Variants in CCSER1 observed in about 807,000 individuals in gnomAD.
The protein encoded by CCSER1 is coiled-coil serine rich protein 1.
In CCSER1, 41 loss-of-function variants were observed where a neutral mutation model predicts 82.0. That is an observed-to-expected ratio of 0.50 (90% confidence interval 0.39 to 0.65). The LOEUF (loss-of-function observed/expected upper bound fraction) is 0.65. Ranked by LOEUF, CCSER1 falls within the 30% of genes least tolerant of loss-of-function variation. The pLI is 0.00. For missense variants in CCSER1, 1,119 were observed against 1,064.2 expected (o/e 1.05, Z -0.72); for synonymous variants, 414 against 383.9 (o/e 1.08, Z -0.92).
chr4:90,302,854 G>T (rs1320898943), intron 1 of CCSER1, among the ~76,000 whole-genome samples: 3 of 151,084 alleles, frequency 2.0e-5, no homozygotes, highest in Non-Finnish European at 4.4e-5. Flanking sequence ...AAAAGGAAAA[G>T]GAAAGAAAGA....
intron 5 of CCSER1, among the ~76,000 whole-genome samples, chr4:90,523,027 A>G (rs922830133): frequency 2.6e-5 from 4 of 151,938 alleles, no homozygotes; most frequent in South Asian, 2.1e-4. Flanking sequence ...TCCTACCTCT[A>G]TGGTCATCCT....
intron 6 of CCSER1, among the ~76,000 whole-genome samples, chr4:90,653,956 A>G (rs1729239651): frequency 1.3e-5 from 2 of 152,144 alleles, no homozygotes; most frequent in African/African-American, 4.8e-5. Flanking sequence ...GCAAAGAGGA[A>G]GCAAGAACCT....
intron 1 of CCSER1, among the ~76,000 whole-genome samples, chr4:90,167,930 A>G (rs1370343956): frequency 1.3e-5 from 2 of 152,104 alleles, no homozygotes; most frequent in East Asian, 3.9e-4. Context: ...TGCCACGATA[A>G]ACATACGTGT....
At chr4:90,156,932 A>ATT in intron 1 of CCSER1, among the ~76,000 whole-genome samples, 1 of 152,174 alleles carries the variant, frequency 6.6e-6, no homozygotes, top group East Asian at 1.9e-4. Context: ...TTAGCTGGTT[A>ATT]TTTTGCTCGT....
intron 4 of CCSER1, among the ~76,000 whole-genome samples, chr4:90,444,194 G>A (rs1007400216): frequency 2.6e-5 from 4 of 151,908 alleles, no homozygotes; most frequent in East Asian, 1.9e-4. Flanking sequence ...TTGGCACACC[G>A]AGGTAAAATA....
At chr4:90,648,293 GAAAGAAAGAAA>G (rs1728036650) in intron 6 of CCSER1, among the ~76,000 whole-genome samples, 1 of 125,858 alleles carries the variant, frequency 7.9e-6, no homozygotes, top group African/African-American at 3.1e-5. Context: ...AGGAAAGAAA[GAAAGAAAGAAA>G]GAAAGAAAGA....
chr4:90,420,697 CTAATTTAG>C (rs1210602596), intron 4 of CCSER1, among the ~76,000 whole-genome samples: 1 of 151,994 alleles, frequency 6.6e-6, no homozygotes, highest in Non-Finnish European at 1.5e-5. Flanking sequence ...ACATCCTGAC[CTAATTTAG>C]TATTAAATAA....
At chr4:90,899,750 T>C (rs1022376503) in intron 8 of CCSER1, among the ~76,000 whole-genome samples, 1 of 152,106 alleles carries the variant, frequency 6.6e-6, no homozygotes, top group African/African-American at 2.4e-5. Flanking sequence ...TAAATCACGA[T>C]GATTGATTTG....
intron 1 of CCSER1, among the ~76,000 whole-genome samples, chr4:90,274,587 A>G (rs1174093122): frequency 6.6e-6 from 1 of 152,168 alleles, no homozygotes; most frequent in Non-Finnish European, 1.5e-5. Flanking sequence ...GGAGCAAAAT[A>G]TATACATATA....
chr4:90,386,285 G>A (rs1750034715), intron 3 of CCSER1, among the ~76,000 whole-genome samples: 1 of 152,144 alleles, frequency 6.6e-6, no homozygotes, highest in Admixed American at 6.6e-5. Flanking sequence ...AAAGAGTATG[G>A]TACTGGTATA....
intron 5 of CCSER1, among the ~76,000 whole-genome samples, chr4:90,559,155 A>G (rs1333527512): frequency 1.3e-5 from 2 of 152,190 alleles, no homozygotes; most frequent in Non-Finnish European, 1.5e-5. Context: ...TTCTATTTCT[A>G]GGCAGTTGAA....
chr4:91,076,223 C>T (rs1260625998), intron 9 of CCSER1, among the ~76,000 whole-genome samples: 1 of 141,420 alleles, frequency 7.1e-6, no homozygotes, highest in Non-Finnish European at 1.5e-5. Flanking sequence ...GAATCTTGGT[C>T]TGTCAATAAT....
At chr4:90,476,465 A>C (rs1458992471) in intron 5 of CCSER1, among the ~76,000 whole-genome samples, 1 of 152,092 alleles carries the variant, frequency 6.6e-6, no homozygotes, top group Non-Finnish European at 1.5e-5. Flanking sequence ...GCCTTGGTGG[A>C]AAGGCAGCCG....
intron 3 of CCSER1, among the ~76,000 whole-genome samples, chr4:90,325,174 G>A (rs1737929291): frequency 6.6e-6 from 1 of 152,130 alleles, no homozygotes; most frequent in African/African-American, 2.4e-5. Flanking sequence ...TCCGATGTGG[G>A]GACAATCACT....
At chr4:90,213,219 G>A in intron 1 of CCSER1, among the ~76,000 whole-genome samples, 1 of 152,126 alleles carries the variant, frequency 6.6e-6, no homozygotes, top group Non-Finnish European at 1.5e-5. Flanking sequence ...AATTGCTAGA[G>A]GATTAATATG....
chr4:91,477,558 A>C (rs1757662646), intron 10 of CCSER1, among the ~76,000 whole-genome samples: 1 of 151,756 alleles, frequency 6.6e-6, no homozygotes, highest in South Asian at 2.1e-4. Context: ...AGGTTTAATA[A>C]CATTATAGCC....
intron 3 of CCSER1, among the ~76,000 whole-genome samples, chr4:90,386,459 A>G (rs754345898): frequency 1.3e-5 from 2 of 152,320 alleles, no homozygotes; most frequent in Middle Eastern, 3.4e-3. Context: ...TAGAAGAATG[A>G]AACTGGATCC....
chr4:91,008,831 G>C lies in CCSER1; in HGVS notation c.2173-77119G>C, dbSNP rs142821386. On this transcript the variant is annotated intron_variant, in intron 9 of 10. Transcript: ENST00000509176. ...TGCTTCCAAGATGGTGGCAAGCCTC[G>C]TGTTCTCTGACCTGGGGTTCTTGGC... 3.3e-5 allele frequency among the ~76,000 whole-genome samples: 5 copies of C among 152,210 alleles called. 1 individual carries two copies. In the East Asian group the frequency reaches 5.8e-4, roughly 18 times the overall value.
intron 10 of CCSER1, among the ~76,000 whole-genome samples, chr4:91,439,630 A>G (rs1754961611): frequency 6.6e-6 from 1 of 152,146 alleles, no homozygotes; most frequent in African/African-American, 2.4e-5. Flanking sequence ...CTTTAAATGT[A>G]AAGGGACTAA....
Sources: gnomAD v4.1 joint callset for allele counts (sites outside exome capture counted in the v4.1 genomes callset) on GRCh38, gnomAD v4.1.1 for gene constraint, MANE v1.5 for transcripts, NCBI Gene and HGNC (gene_info 2026-07-23, HGNC 2026-07-21) for gene names.